The following PHF14 variants were observed in gnomAD, a reference collection of about 807,000 sequenced individuals.
The protein encoded by PHF14 is PHD finger protein 14.
Under a neutral mutation model 117.9 loss-of-function variants are expected in PHF14, and 55 were observed. The observed-to-expected ratio is 0.47, with a 90% CI of 0.38 to 0.58. PHF14 has a LOEUF of 0.58. Among genes scored for constraint, PHF14 ranks in the 20% least tolerant of loss-of-function variants. The probability of loss-of-function intolerance (pLI) is 0.00; values close to 1 mark genes in which losing one functional copy is unlikely to be tolerated. For missense variants in PHF14, 978 were observed against 1,122.2 expected, an observed-to-expected ratio of 0.87 and a Z score of 1.84; for synonymous variants, 409 against 368.6, an observed-to-expected ratio of 1.11 and a Z score of -1.26.
intron 6 of PHF14, among the ~76,000 whole-genome samples, chr7:11,027,653 T>C (rs1480900191): frequency 6.6e-6 from 1 of 152,142 alleles, no homozygotes; most frequent in Non-Finnish European, 1.5e-5. Context: ...CATAATTGAC[T>C]GTGTTGTATA....
intron 17 of PHF14, among the ~76,000 whole-genome samples, chr7:11,126,066 A>G (rs1025409159): frequency 3.3e-5 from 5 of 152,120 alleles, no homozygotes; most frequent in East Asian, 1.9e-4. Flanking sequence ...TTAAAGACCA[A>G]TAGTATTCTT....
chr7:11,148,775 G>A (rs901460896), intron 17 of PHF14, among the ~76,000 whole-genome samples: 6 of 152,124 alleles, frequency 3.9e-5, no homozygotes, highest in African/African-American at 1.4e-4. Flanking sequence ...TTTAGAAAAG[G>A]AAGCAAAAAT....
intron 16 of PHF14, among the ~76,000 whole-genome samples, chr7:11,080,370 T>C (rs1034462054): frequency 6.6e-6 from 1 of 152,092 alleles, no homozygotes; most frequent in African/African-American, 2.4e-5. Context: ...TACTTGGTGT[T>C]TTTTTCCCCC....
At chr7:11,047,593 C>A (rs994975178) in intron 13 of PHF14, among the ~76,000 whole-genome samples, 2 of 150,118 alleles carry the variant, frequency 1.3e-5, no homozygotes, top group Non-Finnish European at 3.0e-5. Flanking sequence ...GTCAGGAGTT[C>A]AAGACCAACA....
intron 4 of PHF14, among the ~76,000 whole-genome samples, chr7:10,995,926 A>G (rs892427775): frequency 6.6e-6 from 1 of 152,158 alleles, no homozygotes; most frequent in Non-Finnish European, 1.5e-5. Flanking sequence ...CCTCCCCGCA[A>G]GCTGAGGGAG....
intron 17 of PHF14, among the ~76,000 whole-genome samples, chr7:11,151,830 A>C (rs764967707): frequency 6.6e-6 from 1 of 152,156 alleles, no homozygotes; most frequent in Non-Finnish European, 1.5e-5. Context: ...GAAAGCCACT[A>C]TATGAGTGTA....
intron 5 of PHF14, among the ~76,000 whole-genome samples, chr7:11,016,493 A>G (rs1783540676): frequency 6.6e-6 from 1 of 152,170 alleles, no homozygotes; most frequent in South Asian, 2.1e-4. Flanking sequence ...AAACCAGTAC[A>G]TTCTTGTCAT....
At chr7:11,041,681 C>G (rs1413623415) in intron 12 of PHF14, among the ~76,000 whole-genome samples, 1 of 151,658 alleles carries the variant, frequency 6.6e-6, no homozygotes. Flanking sequence ...TGAACATTAG[C>G]ACATTCTCAG....
chr7:11,026,962 C>A (rs1273327830), intron 6 of PHF14, among the ~76,000 whole-genome samples: 1 of 152,128 alleles, frequency 6.6e-6, no homozygotes, highest in East Asian at 1.9e-4. Flanking sequence ...ATTGTCTACT[C>A]ATTTTCCAAT....
At chr7:11,168,556 G>T (rs1478443606) in intron 17 of PHF14, among the ~76,000 whole-genome samples, 1 of 152,104 alleles carries the variant, frequency 6.6e-6, no homozygotes, top group Admixed American at 6.5e-5. Flanking sequence ...GATTATTACT[G>T]TTGTCTAGAA....
intron 16 of PHF14, among the ~76,000 whole-genome samples, chr7:11,082,608 G>A (rs1287746047): frequency 1.3e-5 from 2 of 152,120 alleles, no homozygotes; most frequent in Non-Finnish European, 2.9e-5. Flanking sequence ...TTGTTGACTT[G>A]TACTTCCCAG....
chr7:11,092,261 C>A (rs1786666996), intron 16 of PHF14, among the ~76,000 whole-genome samples: 1 of 152,166 alleles, frequency 6.6e-6, no homozygotes, highest in Non-Finnish European at 1.5e-5. Context: ...TACTTTAAGA[C>A]AGTGGTCCTT....
At chr7:10,984,732 ATC>A (rs1782155793) in intron 3 of PHF14, among the ~76,000 whole-genome samples, 1 of 152,156 alleles carries the variant, frequency 6.6e-6, no homozygotes, top group Non-Finnish European at 1.5e-5. Flanking sequence ...TGTGTGTAGT[ATC>A]TGTTTATTAA....
intron 16 of PHF14, chr7:11,103,156 C>T (rs767344177): frequency 8.2e-6 from 8 of 978,024 alleles, no homozygotes; most frequent in Non-Finnish European, 9.7e-6. Flanking sequence ...ATATGACATT[C>T]TATTTTTGAC....
chr7:11,033,102 CT>C (rs1784177864), intron 7 of PHF14, among the ~76,000 whole-genome samples: 1 of 152,164 alleles, frequency 6.6e-6, no homozygotes, highest in South Asian at 2.1e-4. Flanking sequence ...ATGTTTTTCC[CT>C]TTCTGTCTTC....
chr7:11,095,394 GCT>G (rs1384890667), intron 16 of PHF14, among the ~76,000 whole-genome samples: 2 of 152,188 alleles, frequency 1.3e-5, no homozygotes, highest in Admixed American at 1.3e-4. Context: ...ATGAGGCTGT[GCT>G]GCTTCTCAAA....
At chr7:11,004,616 C>G (rs777840581) in intron 4 of PHF14, among the ~76,000 whole-genome samples, 1 of 151,412 alleles carries the variant, frequency 6.6e-6, no homozygotes, top group Non-Finnish European at 1.5e-5. Flanking sequence ...TTTATAATGT[C>G]ATATTGAATA....
chr7:11,150,337 G>GGTTT (rs1421463116), intron 17 of PHF14, among the ~76,000 whole-genome samples: 2 of 152,070 alleles, frequency 1.3e-5, no homozygotes, highest in African/African-American at 4.8e-5. Context: ...GAAACATGAA[G>GGTTT]GTTTCTGTGT....
intron 16 of PHF14, among the ~76,000 whole-genome samples, chr7:11,068,027 A>G (rs537417517): frequency 2.0e-5 from 3 of 152,292 alleles, no homozygotes; most frequent in East Asian, 1.9e-4. Context: ...TAGCATACAT[A>G]CAGTAGAATA....
Sources: allele counts gnomAD v4.1 joint callset (sites outside exome capture counted in the v4.1 genomes callset), GRCh38; gene constraint gnomAD v4.1.1; transcripts MANE v1.5; gene names NCBI Gene and HGNC (gene_info 2026-07-23, HGNC 2026-07-21).